The following PPME1 variants were observed in gnomAD, a reference collection of about 807,000 sequenced individuals.
PPME1 encodes the protein protein phosphatase methylesterase 1.
Under a neutral mutation model 56.9 loss-of-function variants are expected in PPME1, and 17 were observed. The ratio of observed to expected loss-of-function variants is 0.30; its 90% CI spans 0.20 to 0.45. PPME1 has a LOEUF of 0.45. Among genes scored for constraint, PPME1 ranks in the 20% least tolerant of loss-of-function variants. The pLI, the probability that PPME1 is intolerant of heterozygous loss-of-function variation, is 1.00. For missense variants in PPME1, 357 were observed against 483.2 expected, an observed-to-expected ratio of 0.74 and a Z score of 2.45; for synonymous variants, 122 against 156.2, an observed-to-expected ratio of 0.78 and a Z score of 1.63.
chr11:74,219,562 TAA>T (rs1858744040), intron 3 of PPME1, among the ~76,000 whole-genome samples: 1 of 152,232 alleles, frequency 6.6e-6, no homozygotes, highest in Admixed American at 6.5e-5. Context: ...TATTTGGTTA[TAA>T]AAAAGACTGA....
rs370247088 is a variant in PPME1 at position 74,246,153 on chromosome 11, C to T, written c.912C>T (p.Gly304=). 1.1e-5 allele frequency: 17 copies of T among 1,553,498 alleles called. No individual in the cohort carries two copies. The highest frequency in any genetic ancestry group is 2.7e-5 in the African/African-American group (2 of 73,136). The change falls in exon 10 of 14, where the codon GGC becomes GGT. Residue 304 remains glycine, a synonymous_variant. Transcript: ENST00000328257. Reference sequence around the variant, plus strand: ...AATACTGGGACGGCTGGTTCCGAGGCTTATCCAATCTCTTTCTTAGTTGTC... The same window carrying T: ...AATACTGGGACGGCTGGTTCCGAGGTTTATCCAATCTCTTTCTTAGTTGTC... ...TEKYWDGWFR[G]LSNLFLSCPI...
At chr11:74,251,950 G>A in intron 13 of PPME1, 1 of 710,194 alleles carries the variant, frequency 1.4e-6, no homozygotes. Flanking sequence ...ATTGTGCCTA[G>A]TCTCACTCCC....
At chr11:74,205,030 A>G (rs1012190532) in intron 3 of PPME1, 17 of 152,314 alleles carry the variant, frequency 1.1e-4, no homozygotes, top group African/African-American at 4.1e-4. Flanking sequence ...TAGTGCAATT[A>G]TTGTTTACTT....
At chr11:74,208,080 G>A (rs1025129815) in intron 3 of PPME1, among the ~76,000 whole-genome samples, 3 of 152,134 alleles carry the variant, frequency 2.0e-5, no homozygotes, top group African/African-American at 7.2e-5. Flanking sequence ...TTGGGAGGCC[G>A]AAGCGGGCAG....
chr11:74,239,075 T>G, intron 8 of PPME1, 58 bp from the exon 9 acceptor site: 1 of 1,511,782 alleles, frequency 6.6e-7, no homozygotes. Flanking sequence ...TGAGTATCTC[T>G]GAGATAATTT....
intron 13 of PPME1, 134 bp downstream of exon 13, chr11:74,251,849 T>A: frequency 9.2e-7 from 1 of 1,088,518 alleles, no homozygotes; most frequent in Non-Finnish European, 1.4e-6. Flanking sequence ...TCCTCCTCAG[T>A]GAAGAGCCTG....
chr11:74,204,508 A>G, intron 3 of PPME1, 63 bp downstream of exon 3: 1 of 1,387,370 alleles, frequency 7.2e-7, no homozygotes, highest in South Asian at 1.2e-5. Context: ...AAGTATAGGG[A>G]CAAATCTTGG....
chr11:74,234,080 G>A (rs1859134243), intron 7 of PPME1, among the ~76,000 whole-genome samples: 1 of 152,190 alleles, frequency 6.6e-6, no homozygotes, highest in South Asian at 2.1e-4. Flanking sequence ...TTATGGATTG[G>A]ATGTTGGGAG....
chr11:74,230,934 T>C lies in PPME1; in HGVS notation c.576T>C (p.Asn192=). ...CAGGTACAGCTATGGATGCACTTAA[T>C]AGCATGCAGAATTTCTTACGGGGTC... is the stretch of plus-strand genomic sequence containing the variant. ...VVEGTAMDAL[N]SMQNFLRGRP... The change falls in exon 7 of 14, where the codon AAT becomes AAC. Residue 192 remains asparagine (N), a synonymous_variant. Coordinates refer to ENST00000328257, the MANE Select transcript of PPME1 (RefSeq NM_016147.3). The surrounding 1 kb of genome is among the most constrained non-coding windows in gnomAD (Gnocchi z 4.9). 6.2e-7 allele frequency: 1 copy of C among 1,603,624 alleles called. No homozygotes were observed. Among genetic ancestry groups the C allele is most frequent in the Non-Finnish European group, 8.5e-7 (1 of 1,174,818 alleles).
At chr11:74,215,058 A>G (rs1224732591) in intron 3 of PPME1, among the ~76,000 whole-genome samples, 1 of 152,212 alleles carries the variant, frequency 6.6e-6, no homozygotes. Context: ...AACAATAGCT[A>G]TAAATAGGTT....
intron 9 of PPME1, among the ~76,000 whole-genome samples, chr11:74,245,235 T>C (rs981122027): frequency 7.2e-5 from 11 of 152,128 alleles, no homozygotes; most frequent in African/African-American, 2.4e-4. Flanking sequence ...ATGGGAATTT[T>C]GATAGAGATT....
At chr11:74,178,610 C>T (rs897586185) in intron 1 of PPME1, among the ~76,000 whole-genome samples, 1 of 152,212 alleles carries the variant, frequency 6.6e-6, no homozygotes, top group Admixed American at 6.5e-5. Flanking sequence ...TTCAACTTCC[C>T]TACTGTTTTC....
chr11:74,243,829 A>G (rs1859439717), intron 9 of PPME1, among the ~76,000 whole-genome samples: 1 of 151,590 alleles, frequency 6.6e-6, no homozygotes, highest in Middle Eastern at 3.4e-3. Context: ...AAAACAAAAA[A>G]CAACCCATAA....
chr11:74,228,920 C>T (rs1591055445), intron 5 of PPME1, among the ~76,000 whole-genome samples: 1 of 152,058 alleles, frequency 6.6e-6, no homozygotes, highest in Admixed American at 6.6e-5. Flanking sequence ...TTGGACTTTT[C>T]GTCTTAACTA....
intron 3 of PPME1, 102 bp downstream of exon 3, chr11:74,204,547 G>A: frequency 1.0e-6 from 1 of 992,968 alleles, no homozygotes; most frequent in South Asian, 1.5e-5. Flanking sequence ...TGGGAAGCAG[G>A]AATTGCTATT....
At chr11:74,181,609 T>C (rs544071993) in intron 1 of PPME1, among the ~76,000 whole-genome samples, 1 of 152,366 alleles carries the variant, frequency 6.6e-6, no homozygotes, top group Non-Finnish European at 1.5e-5. Context: ...TGCTTTCTAC[T>C]GTAACACAGT....
At chr11:74,231,604 C>T (rs1416544584) in intron 7 of PPME1, among the ~76,000 whole-genome samples, 1 of 152,182 alleles carries the variant, frequency 6.6e-6, no homozygotes, top group African/African-American at 2.4e-5. Context: ...TTTCCCAATA[C>T]ACTATAGTAC....
At chr11:74,192,383 G>T (rs1448486152) in intron 1 of PPME1, among the ~76,000 whole-genome samples, 1 of 152,050 alleles carries the variant, frequency 6.6e-6, no homozygotes, top group Non-Finnish European at 1.5e-5. Context: ...TACATCTCAG[G>T]CTGCTTCCAC....
intron 7 of PPME1, among the ~76,000 whole-genome samples, chr11:74,232,993 C>G (rs1241718096): frequency 6.6e-6 from 1 of 151,238 alleles, no homozygotes; most frequent in Non-Finnish European, 1.5e-5. Context: ...GGGTATGAGC[C>G]ACTACGCCTG....
Sources: allele counts gnomAD v4.1 joint callset (sites outside exome capture counted in the v4.1 genomes callset), GRCh38; gene constraint gnomAD v4.1.1; non-coding constraint Gnocchi (gnomAD v3.1); transcripts MANE v1.5; gene names NCBI Gene and HGNC (gene_info 2026-07-23, HGNC 2026-07-21).